Variants in HYOU1 observed in about 807,000 individuals in gnomAD.
HYOU1 encodes the protein hypoxia up-regulated 1, also known as hypoxia up-regulated protein 1.
A neutral mutation model predicts 120.5 loss-of-function variants in HYOU1; 40 were observed. The ratio of observed to expected loss-of-function variants is 0.33; its 90% CI spans 0.26 to 0.43. HYOU1 has a LOEUF of 0.43. HYOU1 is among the 20% of genes least tolerant of loss of function. HYOU1 has a pLI of 1.00. For synonymous variants in HYOU1, 501 were observed against 479.4 expected (o/e 1.05, Z -0.59); for missense variants, 1,085 against 1,278.3 (o/e 0.85, Z 2.31).
chr11:119,051,259 T>A lies in HYOU1; in HGVS notation c.1527-86A>T, dbSNP rs2133583852. The A allele has an allele frequency of 6.4e-7, 1 of 1,559,306 alleles. No individual in the cohort carries two copies. The highest frequency in any genetic ancestry group is 1.7e-4 in the Middle Eastern group (1 of 5,826). ...CTACATGGCCTCCTGGCACAAGGTGTCAGGGGCACTCCCCAAGGGCACACT... is the reference window on the plus strand; with the variant it reads ...CTACATGGCCTCCTGGCACAAGGTGACAGGGGCACTCCCCAAGGGCACACT... On this transcript the variant is annotated intron_variant, in intron 13 of 25. Coordinates refer to ENST00000617285, the MANE Select transcript of HYOU1 (RefSeq NM_006389.5). This position sits in a 1 kb window ranked among gnomAD's most constrained non-coding sequence, Gnocchi z 4.2.
chr11:119,048,028 A>G lies in HYOU1; in HGVS notation c.2429T>C (p.Phe810Ser), dbSNP rs2133560448. 6.2e-7 allele frequency: 1 copy of G among 1,614,198 alleles called. No individual in the cohort carries two copies. ...CCACTTCTTGCGCTCCTCTACCCGAAAAAACAGCCCTTGGCACAGCTTCCT... is the reference window on the plus strand; with the variant it reads ...CCACTTCTTGCGCTCCTCTACCCGAGAAAACAGCCCTTGGCACAGCTTCCT... Reference protein sequence around the residue: ...ELRKLCQGLFFRVEERKKWPE... With the variant: ...ELRKLCQGLFSRVEERKKWPE... The change falls in exon 21 of 26, where the codon TTT becomes TCT. Residue 810 changes from phenylalanine (F) to serine (S), a missense_variant. Physicochemically the swap from Phe to Ser is radical, Grantham distance 155 (BLOSUM62 -2). Coordinates refer to ENST00000617285, the MANE Select transcript of HYOU1 (RefSeq NM_006389.5). This position sits in a 1 kb window ranked among gnomAD's most constrained non-coding sequence, Gnocchi z 4.7.
Position 119,048,158 on chromosome 11 carries a change from G to A in HYOU1, c.2377-78C>T. 6.2e-7 allele frequency: 1 copy of A among 1,611,064 alleles called. No homozygotes were observed. Among genetic ancestry groups the A allele is most frequent in the Non-Finnish European group, 8.5e-7 (1 of 1,179,314 alleles). Reference sequence around the variant, plus strand: ...GAGTCAGCCCCATGTCCTTCTTTATGGGCTCAAGCCCCAGCTCTTCTCTCT... The same window carrying A: ...GAGTCAGCCCCATGTCCTTCTTTATAGGCTCAAGCCCCAGCTCTTCTCTCT... On this transcript the variant is annotated intron_variant, in intron 20 of 25. Transcript: ENST00000617285. This position sits in a 1 kb window ranked among gnomAD's most constrained non-coding sequence, Gnocchi z 4.7.
chr11:119,053,792 A>G (rs1944593217), intron 8 of HYOU1: 1 of 210,726 alleles, frequency 4.7e-6, no homozygotes, highest in Non-Finnish European at 9.5e-6. Flanking sequence ...AAAAGAGGTA[A>G]GACAACAAGA....
At position 119,048,779 on chromosome 11, in the gene HYOU1, C is replaced by G. The variant is rs782506174; in HGVS notation, c.2100G>C (p.Gly700=). 1 of 1,613,988 alleles carries G rather than the reference C, an allele frequency of 6.2e-7. No homozygotes were observed. Among genetic ancestry groups the G allele is most frequent in the South Asian group, 1.1e-5 (1 of 91,076 alleles). The change falls in exon 18 of 26, where the codon GGG becomes GGC. Residue 700 remains glycine (G), a synonymous_variant. Coordinates refer to ENST00000617285, the MANE Select transcript of HYOU1 (RefSeq NM_006389.5). The surrounding 1 kb of genome is among the most constrained non-coding windows in gnomAD (Gnocchi z 4.7). ...ARKRRMVEEI[G]VELVVLDLPD... Reference sequence around the variant, plus strand: ...GCAGGTCCAGAACAACCAGCTCCACCCCGATCTCCTCTACCATTCGCCGCT... The same window carrying G: ...GCAGGTCCAGAACAACCAGCTCCACGCCGATCTCCTCTACCATTCGCCGCT...
rs1944013597 is a variant in HYOU1, at chr11:119,045,591, G to A, written c.*2C>T. ...GATGAATGGGGAAAACAGAGGTGGGGGTTATAGTTCGTCGTTCTTCAAAGG... is the reference window on the plus strand; with the variant it reads ...GATGAATGGGGAAAACAGAGGTGGGAGTTATAGTTCGTCGTTCTTCAAAGG... On this transcript the variant is annotated 3_prime_UTR_variant, in exon 26 of 26. Transcript: ENST00000617285. 1 of 1,613,110 alleles carries A rather than the reference G, an allele frequency of 6.2e-7. No homozygotes were observed.
chr11:119,048,229 G>A lies in HYOU1; in HGVS notation c.2376+19C>T, dbSNP rs951255131. ...GGAGAGCTCCCACTCCACCTGCCAT[G>A]TCCTGAGAGGCCCCTCACCACTGTG... On this transcript the variant is annotated intron_variant, in intron 20 of 25. Transcript: ENST00000617285. The surrounding 1 kb of genome is among the most constrained non-coding windows in gnomAD (Gnocchi z 4.7). 7 of 1,609,896 alleles carry A rather than the reference G, an allele frequency of 4.3e-6. No homozygotes were observed. Among genetic ancestry groups the A allele is most frequent in the Non-Finnish European group, 5.9e-6 (7 of 1,179,338 alleles).
intron 14 of HYOU1, among the ~76,000 whole-genome samples, chr11:119,050,574 C>T (rs2133579456): frequency 2.0e-5 from 3 of 151,406 alleles, no homozygotes; most frequent in South Asian, 2.1e-4. Context: ...AAAAAAATTT[C>T]GCAGGATATG....
Position 119,049,795 on chromosome 11 carries a change from C to T in HYOU1, c.1708G>A (p.Glu570Lys). The T allele has an allele frequency of 6.2e-7, 1 of 1,614,192 alleles. No homozygotes were observed. ...FETLVEDSAE[E>K]ESTLTKLGNT... ...ATCTTACTGGTGAGAGTAGATTCCT[C>T]TTCTGCGCTGTCCTCTACCAGTGTC... is the stretch of plus-strand genomic sequence containing the variant. The change falls in exon 15 of 26, where the codon GAG becomes AAG. Residue 570 changes from glutamate to lysine, a missense_variant. Glu to Lys is a moderately conservative substitution (Grantham distance 56). Around this residue, in one of 4 missense-constraint regions of HYOU1, gnomAD observed 515 missense variants for 677.8 expected, o/e 0.76. Coordinates refer to ENST00000617285, the MANE Select transcript of HYOU1 (RefSeq NM_006389.5).
chr11:119,054,849 C>T (rs886905301), intron 6 of HYOU1, 135 bp downstream of exon 6: 5 of 1,082,324 alleles, frequency 4.6e-6, no homozygotes, highest in Non-Finnish European at 6.7e-6. Context: ...CAGGTGCACC[C>T]CTCAGATGTG....
At position 119,046,484 on chromosome 11, in the gene HYOU1, G is replaced by T; in HGVS notation, c.2837-17C>A. ...CAGTCTGGCCTAGAAGGAAACCAGG[G>T]GTAAGACATAGCCTCAGGAAGGAAA... On this transcript the variant is annotated splice_polypyrimidine_tract_variant and intron_variant, in intron 23 of 25. Coordinates refer to ENST00000617285, the MANE Select transcript of HYOU1 (RefSeq NM_006389.5). The T allele has an allele frequency of 1.2e-6, 2 of 1,614,122 alleles. No homozygotes were observed. Among genetic ancestry groups the T allele is most frequent in the Non-Finnish European group, 1.7e-6 (2 of 1,180,024 alleles).
At position 119,051,247 on chromosome 11, in the gene HYOU1, T is replaced by G. The variant is rs1944419868; in HGVS notation, c.1527-74A>C. 3 of 1,586,686 alleles carry G rather than the reference T, an allele frequency of 1.9e-6. No individual in the cohort carries two copies. On this transcript the variant is annotated intron_variant, in intron 13 of 25. Coordinates refer to ENST00000617285, the MANE Select transcript of HYOU1 (RefSeq NM_006389.5). This position sits in a 1 kb window ranked among gnomAD's most constrained non-coding sequence, Gnocchi z 4.2. ...TCGCCCTCTAGACTACATGGCCTCC[T>G]GGCACAAGGTGTCAGGGGCACTCCC... is the stretch of plus-strand genomic sequence containing the variant.
Position 119,054,249 on chromosome 11 carries a change from CA to C in HYOU1, c.679-14del, listed in dbSNP as rs2133603695. 6 of 1,596,606 alleles carry C rather than the reference CA, an allele frequency of 3.8e-6. No homozygotes were observed. The African/African-American group carries it at 8.0e-5, about 21-fold the overall frequency. ...AGAACATGATATTCTGTAGAGATATCAAGGCAACTGTCACAGGAACCTTCTC... is the reference window on the plus strand; with the variant it reads ...AGAACATGATATTCTGTAGAGATATCAGGCAACTGTCACAGGAACCTTCTC... On this transcript the variant is annotated splice_polypyrimidine_tract_variant and intron_variant, in intron 7 of 25. Coordinates refer to ENST00000617285, the MANE Select transcript of HYOU1 (RefSeq NM_006389.5).
intron 1 of HYOU1, 84 bp from the exon 2 acceptor site, chr11:119,056,251 G>A (rs1436905758): frequency 3.1e-6 from 3 of 956,210 alleles, no homozygotes; most frequent in African/African-American, 3.2e-5. Context: ...CGGAGAGGCT[G>A]TAAGATTCAT....
Position 119,049,472 on chromosome 11 carries a change from G to A in HYOU1, c.1806+84C>T. ...GGTTAACACAACAGGGGCAGGGGTG[G>A]CCTACCCTCACCCCCTTCCTCTGCG... On this transcript the variant is annotated intron_variant, in intron 16 of 25. Coordinates refer to ENST00000617285, the MANE Select transcript of HYOU1 (RefSeq NM_006389.5). 6 of 1,543,706 alleles carry A rather than the reference G, an allele frequency of 3.9e-6. No individual in the cohort carries two copies. The South Asian group carries it at 4.5e-5, about 12-fold the overall frequency.
Position 119,052,631 on chromosome 11 carries a change from G to C in HYOU1, c.987+6C>G, listed in dbSNP as rs2133594244. The C allele has an allele frequency of 6.2e-7, 1 of 1,606,704 alleles. No individual in the cohort carries two copies. The highest frequency in any genetic ancestry group is 1.7e-5 in the Admixed American group (1 of 59,354). On this transcript the variant is annotated splice_donor_region_variant and intron_variant, in intron 9 of 25. Transcript: ENST00000617285. This position sits in a 1 kb window ranked among gnomAD's most constrained non-coding sequence, Gnocchi z 5.0. ...AATATAGCCTCAACCAGCCACTTGTGGGCACCTGTGCCATGTGGTCAGCGT... is the reference window on the plus strand; with the variant it reads ...AATATAGCCTCAACCAGCCACTTGTCGGCACCTGTGCCATGTGGTCAGCGT...
In HYOU1 at chr11:119,045,782, T is replaced by C. The variant is rs2133544763; in HGVS notation, c.2937A>G (p.Ala979=). ...TEPLELGGPG[A]EPEQKEQSTG... Reference sequence around the variant, plus strand: ...CCGTAGCCCCGGCTCCATCCTCACCTGCTCCAGGACCTCCTAACTCCAAAG... The same window carrying C: ...CCGTAGCCCCGGCTCCATCCTCACCCGCTCCAGGACCTCCTAACTCCAAAG... The change falls in exon 25 of 26, where the codon GCA becomes GCG. Residue 979 remains alanine, a splice_region_variant and synonymous_variant. Transcript: ENST00000617285. The C allele has an allele frequency of 1.2e-6, 2 of 1,612,612 alleles. No homozygotes were observed. Among genetic ancestry groups the C allele is most frequent in the South Asian group, 1.1e-5 (1 of 90,996 alleles).
chr11:119,053,170 T>A (rs1041657933), intron 8 of HYOU1: 1 of 255,440 alleles, frequency 3.9e-6, no homozygotes, highest in Non-Finnish European at 7.5e-6. Flanking sequence ...CTACGTCACA[T>A]GTTGTAAAGG....
In HYOU1 at chr11:119,045,042, T is replaced by C. The variant is rs909599620; in HGVS notation, c.*551A>G. 9.2e-6 allele frequency: 4 copies of C among 433,558 alleles called. No homozygotes were observed. The highest frequency in any genetic ancestry group is 6.2e-5 in the South Asian group (4 of 64,040). The allele number at this position is 433,558 out of a possible 1,614,324, so 26.9% of individuals were successfully genotyped here. A position where few individuals can be genotyped will look rare whatever the true frequency, so the allele number is the denominator to read the frequency against. ...CAAGGAAACCCAGGGGGAAAGGAGCTGGATGGGAATGGGGAAGGGAGGCTC... is the reference window on the plus strand; with the variant it reads ...CAAGGAAACCCAGGGGGAAAGGAGCCGGATGGGAATGGGGAAGGGAGGCTC... On this transcript the variant is annotated 3_prime_UTR_variant, in exon 26 of 26. Coordinates refer to ENST00000617285, the MANE Select transcript of HYOU1 (RefSeq NM_006389.5).
chr11:119,056,309 T>C, intron 1 of HYOU1, 142 bp from the exon 2 acceptor site: 1 of 707,266 alleles, frequency 1.4e-6, no homozygotes, highest in East Asian at 2.7e-5. Context: ...TCTCCCCTTC[T>C]CCCTCCTGAT....
Sources: gnomAD v4.1 joint callset for allele counts (sites outside exome capture counted in the v4.1 genomes callset) on GRCh38, gnomAD v4.1.1 for gene constraint, gnomAD v4.1.1 regional missense constraint, Gnocchi (gnomAD v3.1) non-coding constraint, MANE v1.5 for transcripts, NCBI Gene and HGNC (gene_info 2026-07-23, HGNC 2026-07-21) for gene names.